LGSN: variants seen among roughly 807,000 people sequenced by gnomAD.
LGSN encodes the protein lengsin.
Under a neutral mutation model 19.5 loss-of-function variants are expected in LGSN, and 21 were observed. The ratio of observed to expected loss-of-function variants is 1.07; its 90% CI spans 0.76 to 1.55. LGSN has a LOEUF of 1.55. Ranked by LOEUF, LGSN falls within the 40% of genes most tolerant of loss-of-function variation. LGSN has a pLI of 0.00. For synonymous variants in LGSN, 257 were observed against 215.6 expected, an observed-to-expected ratio of 1.19 and a Z score of -1.68; for missense variants, 673 against 608.5, an observed-to-expected ratio of 1.11 and a Z score of -1.12.
intron 1 of LGSN, among the ~76,000 whole-genome samples, chr6:63,303,616 AT>A (rs1347909725): frequency 2.6e-5 from 4 of 152,174 alleles, no homozygotes; most frequent in Non-Finnish European, 4.4e-5. Context: ...CTGCACCTAA[AT>A]TCTTATATGA....
the LGSN span, among the ~76,000 whole-genome samples, chr6:63,561,937 G>A: frequency 6.6e-6 from 1 of 151,954 alleles, no homozygotes; most frequent in South Asian, 2.1e-4. Context: ...CAGACCTATC[G>A]GTGCAACCTC....
the LGSN span, among the ~76,000 whole-genome samples, chr6:63,374,598 C>T: frequency 5.3e-5 from 8 of 152,312 alleles, no homozygotes; most frequent in African/African-American, 1.9e-4. Flanking sequence ...TTAGTATCAA[C>T]ATTAGTTTAC....
chr6:63,450,112 T>C, the LGSN span, among the ~76,000 whole-genome samples: 54 of 148,560 alleles, frequency 3.6e-4, no homozygotes, highest in East Asian at 0.011. Context: ...TTTGGGAGGC[T>C]GAGGCGGGTG....
the LGSN span, among the ~76,000 whole-genome samples, chr6:63,533,139 TG>T: frequency 1.3e-5 from 2 of 152,186 alleles, no homozygotes; most frequent in Non-Finnish European, 2.9e-5. Context: ...CCCAGCACTT[TG>T]GGAGGCTGAG....
chr6:63,545,813 T>C, the LGSN span, among the ~76,000 whole-genome samples: 6 of 152,098 alleles, frequency 3.9e-5, no homozygotes, highest in Non-Finnish European at 8.8e-5. Flanking sequence ...CCATGTTCCA[T>C]ATTTGTGTCT....
chr6:63,380,624 T>C, the LGSN span, among the ~76,000 whole-genome samples: 1 of 152,214 alleles, frequency 6.6e-6, no homozygotes, highest in Non-Finnish European at 1.5e-5. Flanking sequence ...TATTGCCATG[T>C]TGCAGGTTAG....
chr6:63,382,440 C>T, the LGSN span, among the ~76,000 whole-genome samples: 1 of 152,170 alleles, frequency 6.6e-6, no homozygotes, highest in Non-Finnish European at 1.5e-5. Flanking sequence ...TTTTCTTTTA[C>T]AGCACCTTGT....
At chr6:63,342,904 C>G in the LGSN span, among the ~76,000 whole-genome samples, 1 of 152,158 alleles carries the variant, frequency 6.6e-6, no homozygotes. Context: ...GACCATTAAC[C>G]ATATGGGAGT....
the LGSN span, among the ~76,000 whole-genome samples, chr6:63,365,732 A>G: frequency 6.6e-6 from 1 of 152,224 alleles, no homozygotes; most frequent in East Asian, 1.9e-4. Context: ...CAAAAAGCTT[A>G]TCCACCACAA....
At chr6:63,428,785 C>G in the LGSN span, among the ~76,000 whole-genome samples, 3 of 152,198 alleles carry the variant, frequency 2.0e-5, no homozygotes, top group African/African-American at 7.2e-5. Flanking sequence ...AAAGAAATGT[C>G]CTCAAAGATT....
At chr6:63,472,990 T>G in the LGSN span, among the ~76,000 whole-genome samples, 1 of 151,840 alleles carries the variant, frequency 6.6e-6, no homozygotes, top group Non-Finnish European at 1.5e-5. Context: ...AATTTTTTTT[T>G]GCCCAATTCA....
the LGSN span, among the ~76,000 whole-genome samples, chr6:63,362,771 C>T: frequency 3.3e-3 from 499 of 152,340 alleles, 4 homozygotes; most frequent in African/African-American, 0.011. Context: ...CCTCTGGGGG[C>T]AGGGCATAGC....
chr6:63,470,625 T>TA, the LGSN span, among the ~76,000 whole-genome samples: 1 of 152,158 alleles, frequency 6.6e-6, no homozygotes, highest in Non-Finnish European at 1.5e-5. Flanking sequence ...AGGGCATTTT[T>TA]ATCCGCACCC....
the LGSN span, among the ~76,000 whole-genome samples, chr6:63,414,628 A>T: frequency 1.3e-5 from 2 of 152,264 alleles, no homozygotes; most frequent in African/African-American, 4.8e-5. Context: ...TAAAGCTTTA[A>T]AAAAATAGAA....
rs1767228733 is a variant in LGSN at position 63,280,052 on chromosome 6, T to C, written c.1499A>G (p.Glu500Gly). The C allele has an allele frequency of 1.2e-6, 2 of 1,609,754 alleles. No homozygotes were observed. The highest frequency in any genetic ancestry group is 1.7e-6 in the Non-Finnish European group (2 of 1,178,018). ...YELENEEIAA[E>G]RNKFLEYFI ...AAAATACTCTAAGAATTTATTTCTCTCTGCAGCTATTTCTTCATTCTCCAA... is the reference window on the plus strand; with the variant it reads ...AAAATACTCTAAGAATTTATTTCTCCCTGCAGCTATTTCTTCATTCTCCAA... The change falls in exon 4 of 4, where the codon GAG becomes GGG. Residue 500 changes from glutamate to glycine, a missense_variant. Coordinates refer to ENST00000370657, the MANE Select transcript of LGSN (RefSeq NM_016571.3).
chr6:63,404,641 C>G, the LGSN span, among the ~76,000 whole-genome samples: 1 of 151,980 alleles, frequency 6.6e-6, no homozygotes, highest in Non-Finnish European at 1.5e-5. Context: ...CTCTGGCATC[C>G]CTTTTATAAG....
At chr6:63,412,559 AAAGAAAGAAAGG>A in the LGSN span, among the ~76,000 whole-genome samples, 1 of 135,116 alleles carries the variant, frequency 7.4e-6, no homozygotes, top group African/African-American at 3.2e-5. Context: ...AGAAAGAAAG[AAAGAAAGAAAGG>A]AAGGAAGGAA....
the LGSN span, among the ~76,000 whole-genome samples, chr6:63,495,604 C>T: frequency 2.0e-5 from 3 of 151,690 alleles, no homozygotes; most frequent in African/African-American, 7.2e-5. Context: ...CATGCACCAC[C>T]ATGCCTTGCT....
At chr6:63,338,979 T>C in the LGSN span, among the ~76,000 whole-genome samples, 12 of 152,322 alleles carry the variant, frequency 7.9e-5, no homozygotes, top group African/African-American at 2.9e-4. Context: ...AAACTGTACA[T>C]TTTCAAAGTT....
Sources: gnomAD v4.1 joint callset for allele counts (sites outside exome capture counted in the v4.1 genomes callset) on GRCh38, gnomAD v4.1.1 for gene constraint, MANE v1.5 for transcripts, NCBI Gene and HGNC (gene_info 2026-07-23, HGNC 2026-07-21) for gene names.